CSMD2: variants seen among roughly 807,000 people sequenced by gnomAD.
The protein encoded by CSMD2 is CUB and sushi domain-containing protein 2.
CSMD2 carries 130 observed loss-of-function variants against 398.5 expected under a neutral mutation model. The observed-to-expected ratio is 0.33, with a 90% CI of 0.28 to 0.38. CSMD2 has a LOEUF of 0.38. CSMD2 is among the 10% of genes least tolerant of loss of function. The probability of loss-of-function intolerance (pLI) is 1.00; values close to 1 mark genes in which losing one functional copy is unlikely to be tolerated. For synonymous variants in CSMD2, 1,828 were observed against 1,908.5 expected, an observed-to-expected ratio of 0.96 and a Z score of 1.10; for missense variants, 3,829 against 4,764.9, an observed-to-expected ratio of 0.80 and a Z score of 5.78.
intron 9 of CSMD2, among the ~76,000 whole-genome samples, chr1:33,818,101 C>T (rs1657681832): frequency 1.3e-5 from 2 of 152,228 alleles, no homozygotes; most frequent in Non-Finnish European, 2.9e-5. Context: ...GTGAAAAGGT[C>T]TTGAGGAGGG....
At chr1:33,754,258 A>G (rs1052738474) in intron 13 of CSMD2, among the ~76,000 whole-genome samples, 1 of 152,204 alleles carries the variant, frequency 6.6e-6, no homozygotes, top group African/African-American at 2.4e-5. Flanking sequence ...GCTTAGCATC[A>G]TCCCCTTGGC....
At chr1:33,891,873 G>C (rs1438894971) in intron 5 of CSMD2, among the ~76,000 whole-genome samples, 1 of 129,524 alleles carries the variant, frequency 7.7e-6, no homozygotes, top group East Asian at 2.3e-4. Flanking sequence ...CACAGGAAGG[G>C]GAACATCACA....
chr1:33,817,131 C>T (rs1657558135), intron 9 of CSMD2, among the ~76,000 whole-genome samples: 1 of 152,010 alleles, frequency 6.6e-6, no homozygotes, highest in South Asian at 2.1e-4. Context: ...AAATAAAAAC[C>T]TTAAAATTGC....
Position 33,716,352 on chromosome 1 carries a change from T to C in CSMD2, c.3151A>G (p.Thr1051Ala), listed in dbSNP as rs768755406. ...PISAGLYGNF[T>A]AQVRFISDFS... ...TCAGAGATGAAGCGGACCTGGGCAG[T>C]GAAGTTGCCATAGAGCCCAGCGCTG... The change falls in exon 20 of 71, where the codon ACT becomes GCT. Residue 1051 changes from threonine to alanine, a missense_variant. Transcript: ENST00000373381. 1 of 1,614,160 alleles carries C rather than the reference T, an allele frequency of 6.2e-7. No homozygotes were observed. The highest frequency in any genetic ancestry group is 1.1e-5 in the South Asian group (1 of 91,078).
At chr1:33,902,174 T>C (rs1349045119) in intron 5 of CSMD2, among the ~76,000 whole-genome samples, 1 of 152,122 alleles carries the variant, frequency 6.6e-6, no homozygotes, top group Non-Finnish European at 1.5e-5. Flanking sequence ...AAACACAGGA[T>C]AAGTCCTAGA....
chr1:33,569,666 T>G, intron 51 of CSMD2, 119 bp from the exon 52 acceptor site: 8 of 963,922 alleles, frequency 8.3e-6, no homozygotes, highest in Non-Finnish European at 1.2e-5. Context: ...CTGGAATTCC[T>G]GACCAGAATA....
chr1:33,731,531 C>G (rs541271601), intron 15 of CSMD2, among the ~76,000 whole-genome samples: 3 of 152,242 alleles, frequency 2.0e-5, no homozygotes, highest in South Asian at 4.2e-4. Flanking sequence ...TGTTAAACAA[C>G]CTCCCAGGGA....
intron 39 of CSMD2, among the ~76,000 whole-genome samples, chr1:33,616,624 G>A (rs541068772): frequency 1.3e-5 from 2 of 152,184 alleles, no homozygotes; most frequent in African/African-American, 4.8e-5. Context: ...TTCCATCTGG[G>A]ATCTGGTTGA....
At position 33,600,870 on chromosome 1, in the gene CSMD2, A is replaced by G. The variant is rs2148803713; in HGVS notation, c.6851T>C (p.Phe2284Ser). Reference protein sequence around the residue: ...AATGGIFAIAFSAYPLTKCPP... With the variant: ...AATGGIFAIASSAYPLTKCPP... ...GGCCAGGCTTCCATACTGACCGGAG[A>G]AAGCTATGGCGAAGATCCCCCCTGT... The change falls in exon 44 of 71, where the codon TTC (phenylalanine) becomes TCC (serine). Residue 2284 changes from phenylalanine to serine, a missense_variant. Phe to Ser is a radical substitution (Grantham distance 155). Around this residue, in one of 5 missense-constraint regions of CSMD2, gnomAD observed 723 missense variants for 758.6 expected, o/e 0.95. Transcript: ENST00000373381. 3 of 1,614,082 alleles carry G rather than the reference A, an allele frequency of 1.9e-6. No homozygotes were observed. Among genetic ancestry groups the G allele is most frequent in the East Asian group, 4.5e-5 (2 of 44,880 alleles).
At position 33,788,621 on chromosome 1, in the gene CSMD2, C is replaced by T. The variant is rs1432564401; in HGVS notation, c.1642G>A (p.Gly548Arg). ...TTACCTTCATAAGAAGCCTTGAATC[C>T]CAGGGAACTGCCACTGCCATCAGTC... is the stretch of plus-strand genomic sequence containing the variant. ...FQTDGSGSSL[G>R]FKASYEEIEQ... The change falls in exon 12 of 71, where the codon GGA becomes AGA. Residue 548 changes from glycine to arginine, a missense_variant. By Grantham distance (125) the Gly-to-Arg change is moderately radical. Around this residue, in one of 5 missense-constraint regions of CSMD2, gnomAD observed 2,001 missense variants for 2,567.1 expected, o/e 0.78. Transcript: ENST00000373381. 6.2e-7 allele frequency: 1 copy of T among 1,611,536 alleles called. No individual in the cohort carries two copies. Among genetic ancestry groups the T allele is most frequent in the Non-Finnish European group, 8.5e-7 (1 of 1,177,670 alleles).
chr1:34,090,373 G>T (rs750504524), intron 1 of CSMD2, among the ~76,000 whole-genome samples: 1 of 152,104 alleles, frequency 6.6e-6, no homozygotes, highest in Non-Finnish European at 1.5e-5. Flanking sequence ...CCTCCTTTCA[G>T]TCTCCGTGCC....
chr1:33,949,463 T>G (rs1398480749), intron 3 of CSMD2, among the ~76,000 whole-genome samples: 1 of 152,214 alleles, frequency 6.6e-6, no homozygotes, highest in Non-Finnish European at 1.5e-5. Context: ...TGCTTTGAAT[T>G]CTAAAGACCT....
At chr1:33,898,789 G>C (rs1340139333) in intron 5 of CSMD2, among the ~76,000 whole-genome samples, 1 of 152,178 alleles carries the variant, frequency 6.6e-6, no homozygotes, top group East Asian at 1.9e-4. Context: ...GAAACCGCTG[G>C]TGGAAAGATG....
chr1:33,666,948 G>A lies in CSMD2; in HGVS notation c.4053-3856C>T, dbSNP rs371122654. Among the ~76,000 whole-genome samples, 20 of 152,252 alleles carry A rather than the reference G, an allele frequency of 1.3e-4. No individual in the cohort carries two copies. The East Asian group carries it at 1.9e-3, about 15-fold the overall frequency. On this transcript the variant is annotated intron_variant, in intron 25 of 70. Coordinates refer to ENST00000373381, the MANE Select transcript of CSMD2 (RefSeq NM_001281956.2). ...AAATGAGACCTGAAGTTTAGGTGGC[G>A]TGAAAGGAGAGTGCTTTCTTTGGAT...
intron 41 of CSMD2, among the ~76,000 whole-genome samples, chr1:33,606,396 C>T (rs959247155): frequency 8.5e-5 from 13 of 152,240 alleles, no homozygotes; most frequent in African/African-American, 2.9e-4. Context: ...TTGAAGATAA[C>T]ATTTCCTGAG....
chr1:33,524,746 G>T, intron 66 of CSMD2, 136 bp downstream of exon 66: 1 of 785,638 alleles, frequency 1.3e-6, no homozygotes, highest in Non-Finnish European at 2.0e-6. Context: ...AAGATGAATA[G>T]ACACTTCCTC....
At chr1:34,059,831 C>T (rs72667717) in intron 2 of CSMD2, among the ~76,000 whole-genome samples, 5,791 of 152,286 alleles carry the variant, frequency 0.038, 128 homozygotes, top group East Asian at 0.062. Context: ...CCTAATTCCC[C>T]TGCCCAGATC....
At chr1:34,165,732 A>G (rs200554129), upstream of CSMD2, 160 of 1,613,544 alleles carry the variant, frequency 9.9e-5, 1 homozygote, top group East Asian at 3.1e-3. Context: ...GCGTTCCCCA[A>G]GTCTTGGCTC....
Position 33,626,522 on chromosome 1 carries a change from G to C in CSMD2, c.5260C>G (p.Leu1754Val). 1.2e-6 allele frequency: 2 copies of C among 1,609,382 alleles called. No individual in the cohort carries two copies. Among genetic ancestry groups the C allele is most frequent in the Non-Finnish European group, 1.7e-6 (2 of 1,178,274 alleles). The stretch of plus-strand genomic sequence containing the variant: ...AAGTGGAAGCCTCTGGCTGGTGCGA[G>C]GCCTTTGGCGCTGAACTTAATGAGA... The part of the protein sequence containing the change: ...QVLIKFSAKG[L>V]APARGFHFVY... Residue 1754 changes from leucine (L) to valine (V), a missense_variant, in exon 33 of 71, where the codon CTC becomes GTC. By Grantham distance (32) the Leu-to-Val change is conservative. Transcript: ENST00000373381.
Sources: allele counts gnomAD v4.1 joint callset (sites outside exome capture counted in the v4.1 genomes callset), GRCh38; gene constraint gnomAD v4.1.1; regional missense constraint gnomAD v4.1.1; transcripts MANE v1.5; gene names NCBI Gene and HGNC (gene_info 2026-07-23, HGNC 2026-07-21).